CCDC181: variants seen among roughly 807,000 people sequenced by gnomAD.
CCDC181 encodes the protein coiled-coil domain-containing protein 181.
CCDC181 carries 35 observed loss-of-function variants against 58.7 expected under a neutral mutation model. The ratio of observed to expected loss-of-function variants is 0.60; its 90% CI spans 0.46 to 0.79. The LOEUF (loss-of-function observed/expected upper bound fraction) is 0.79. Among genes scored for constraint, CCDC181 ranks in the 30% least tolerant of loss-of-function variants. The pLI, the probability that CCDC181 is intolerant of heterozygous loss-of-function variation, is 0.00. For synonymous variants in CCDC181, 183 were observed against 197.5 expected (o/e 0.93, Z 0.62); for missense variants, 517 against 583.9 (o/e 0.89, Z 1.18).
In CCDC181 at chr1:169,421,813, A is replaced by AT. The variant is rs1428229080; in HGVS notation, c.617dup (p.Asn206LysfsTer5). 6.2e-7 allele frequency: 1 copy of AT among 1,613,994 alleles called. No homozygotes were observed. Among genetic ancestry groups the AT allele is most frequent in the East Asian group, 2.2e-5 (1 of 44,902 alleles). ...TATCCTTGTTTTCTTCACAGCTTCC[A>AT]TTAGTAAGTGACAGGAGCACATCTT... On this transcript the variant is annotated frameshift_variant, in exon 3 of 6. Transcript: ENST00000367806. LOFTEE classifies it high-confidence loss of function.
chr1:169,422,579 T>C (rs1656529812), intron 2 of CCDC181, among the ~76,000 whole-genome samples: 1 of 152,196 alleles, frequency 6.6e-6, no homozygotes, highest in Admixed American at 6.5e-5. Flanking sequence ...TTTATGCTAA[T>C]GTATCAAAAG....
At chr1:169,453,496 G>A (rs1226685182) in intron 2 of CCDC181, among the ~76,000 whole-genome samples, 1 of 152,028 alleles carries the variant, frequency 6.6e-6, no homozygotes, top group East Asian at 1.9e-4. Context: ...CTAGAAGAAT[G>A]TGAATGACAC....
At position 169,421,465 on chromosome 1, in the gene CCDC181, C is replaced by G; in HGVS notation, c.966G>C (p.Gln322His). The change falls in exon 3 of 6, where the codon CAG becomes CAC. Residue 322 changes from glutamine to histidine, a missense_variant. Physicochemically the swap from Gln to His is conservative, Grantham distance 24. Coordinates refer to ENST00000367806, the MANE Select transcript of CCDC181 (RefSeq NM_001300969.2). ...AAGTCACTGGTGAGATATGTGCAGA[C>G]TGTGTCCTGTGATTAGATTTCCCAT... ...KGNGKSNHRT[Q>H]SAHISPVTST... 6.2e-7 allele frequency: 1 copy of G among 1,614,078 alleles called. No individual in the cohort carries two copies. The highest frequency in any genetic ancestry group is 1.1e-5 in the South Asian group (1 of 91,078).
rs112320370 is a variant in CCDC181 at position 169,417,389 on chromosome 1, C to T, written c.1215+1624G>A. On this transcript the variant is annotated intron_variant, in intron 4 of 5. Coordinates refer to ENST00000367806, the MANE Select transcript of CCDC181 (RefSeq NM_001300969.2). ...GCAACTCACATAACTCGAGGAAACACATTTACAAGTTTATTAATAAAGAAT... is the reference window on the plus strand; with the variant it reads ...GCAACTCACATAACTCGAGGAAACATATTTACAAGTTTATTAATAAAGAAT... 3.3e-3 allele frequency among the ~76,000 whole-genome samples: 495 copies of T among 152,256 alleles called. 1 individual carries two copies. Among genetic ancestry groups the T allele is most frequent in the Non-Finnish European group, 6.2e-3 (422 of 68,022 alleles).
chr1:169,459,597 G>GA (rs1322952044), intron 2 of CCDC181, among the ~76,000 whole-genome samples: 2 of 151,958 alleles, frequency 1.3e-5, no homozygotes, highest in Non-Finnish European at 2.9e-5. Context: ...GAATAAAAAA[G>GA]AAAAAACTAT....
intron 4 of CCDC181, among the ~76,000 whole-genome samples, chr1:169,418,258 A>G (rs1255727762): frequency 2.0e-5 from 3 of 152,198 alleles, no homozygotes; most frequent in African/African-American, 4.8e-5. Flanking sequence ...AATATCTACA[A>G]ATGAAGAATG....
At chr1:169,431,353 T>G (rs1380306338), upstream of CCDC181, among the ~76,000 whole-genome samples, 1 of 144,280 alleles carries the variant, frequency 6.9e-6, no homozygotes, top group African/African-American at 2.5e-5. Context: ...TATAGCAGCA[T>G]GATTGGTAGC....
intron 2 of CCDC181, among the ~76,000 whole-genome samples, chr1:169,446,911 G>A (rs190263069): frequency 5.9e-5 from 9 of 152,190 alleles, no homozygotes; most frequent in Admixed American, 3.3e-4. Flanking sequence ...TGCATCCCAC[G>A]AATTTTGATA....
In CCDC181 at chr1:169,446,091, A is replaced by G. The variant is rs1304898909; in HGVS notation, c.-24+13706T>C. ...TTTCTCTATTGTTTTCCTGTTATCA[A>G]TTTCGTTGATTTCTCCTCTAATTTT... On this transcript the variant is annotated intron_variant, in intron 2 of 6. Coordinates refer to the CCDC181 transcript ENST00000545005. Among the ~76,000 whole-genome samples the G allele has an allele frequency of 2.6e-5, 4 of 152,050 alleles. No individual in the cohort carries two copies. The South Asian group carries it at 6.2e-4, about 24-fold the overall frequency.
chr1:169,432,153 A>T (rs924523821), upstream of CCDC181, among the ~76,000 whole-genome samples: 4 of 152,142 alleles, frequency 2.6e-5, no homozygotes, highest in Non-Finnish European at 5.9e-5. Context: ...TAAATTGAAA[A>T]CTAAAAAAGA....
intron 4 of CCDC181, among the ~76,000 whole-genome samples, chr1:169,405,726 C>G (rs975822111): frequency 2.0e-5 from 3 of 152,180 alleles, no homozygotes; most frequent in Admixed American, 2.0e-4. Flanking sequence ...CTAGGAAATA[C>G]CATTCAGGCC....
chr1:169,424,651 G>A (rs914298202), intron 2 of CCDC181, among the ~76,000 whole-genome samples, 160 bp downstream of exon 2: 6 of 151,704 alleles, frequency 4.0e-5, no homozygotes, highest in Non-Finnish European at 7.4e-5. Flanking sequence ...AGCAATCTAC[G>A]CCTCATTTTT....
intron 4 of CCDC181, among the ~76,000 whole-genome samples, chr1:169,411,381 T>C (rs969127132): frequency 7.2e-5 from 11 of 152,048 alleles, no homozygotes; most frequent in African/African-American, 2.7e-4. Flanking sequence ...AGTTCTGAAA[T>C]TGAGGCAGTA....
At chr1:169,410,159 C>A (rs11487548) in intron 4 of CCDC181, among the ~76,000 whole-genome samples, 7 of 136,106 alleles carry the variant, frequency 5.1e-5, no homozygotes, top group Non-Finnish European at 7.7e-5. Flanking sequence ...CAGAGACACA[C>A]ATAGGCTCAA....
chr1:169,406,692 G>A (rs1227367571), intron 4 of CCDC181, among the ~76,000 whole-genome samples: 1 of 151,954 alleles, frequency 6.6e-6, no homozygotes, highest in Non-Finnish European at 1.5e-5. Flanking sequence ...TGTAAAGGAT[G>A]AGTTAACGGG....
chr1:169,420,812 C>CA (rs59080192), intron 3 of CCDC181, among the ~76,000 whole-genome samples: 118 of 151,546 alleles, frequency 7.8e-4, no homozygotes, highest in Non-Finnish European at 1.2e-3. Flanking sequence ...ATATGAAAAA[C>CA]AAAAAAAATT....
chr1:169,407,408 G>A (rs905697117), intron 4 of CCDC181, among the ~76,000 whole-genome samples: 7 of 151,854 alleles, frequency 4.6e-5, no homozygotes, highest in African/African-American at 7.3e-5. Context: ...AAAATTCTTC[G>A]GTGATTTTCC....
chr1:169,456,391 T>A (rs1244298390), intron 2 of CCDC181, among the ~76,000 whole-genome samples: 1 of 150,832 alleles, frequency 6.6e-6, no homozygotes, highest in Non-Finnish European at 1.5e-5. Context: ...TCATGTATAG[T>A]ATTTTAAAAT....
rs1402964662 is a variant in CCDC181, at chr1:169,412,411, G to T, written c.1215+6602C>A. ...AATGGAAAAACATTCCATGCTCATG[G>T]ACAGGAAGAATCAATATTATGAAAA... is the stretch of plus-strand genomic sequence containing the variant. On this transcript the variant is annotated intron_variant, in intron 4 of 5. Transcript: ENST00000367806. 2.0e-5 allele frequency among the ~76,000 whole-genome samples: 3 copies of T among 152,098 alleles called. No homozygotes were observed. The East Asian group carries it at 5.8e-4, about 29-fold the overall frequency.
Sources: allele counts gnomAD v4.1 joint callset (sites outside exome capture counted in the v4.1 genomes callset), GRCh38; gene constraint gnomAD v4.1.1; transcripts MANE v1.5; gene names NCBI Gene and HGNC (gene_info 2026-07-23, HGNC 2026-07-21).